The following SLC25A26 variants were observed in gnomAD, a reference collection of about 807,000 sequenced individuals.
SLC25A26 encodes the protein mitochondrial S-adenosylmethionine carrier protein.
In SLC25A26, 36 loss-of-function variants were observed where a neutral mutation model predicts 37.8. The observed-to-expected ratio is 0.95, with a 90% confidence interval of 0.73 to 1.26. The LOEUF (loss-of-function observed/expected upper bound fraction) is 1.26, where lower values mean the gene tolerates loss of function less well. SLC25A26 is among the 50% of genes most tolerant of loss of function. SLC25A26 has a pLI of 0.00. For missense variants in SLC25A26, 390 were observed against 331.1 expected, an observed-to-expected ratio of 1.18 and a Z score of -1.38; for synonymous variants, 129 against 122.5, an observed-to-expected ratio of 1.05 and a Z score of -0.35.
intron 6 of SLC25A26, among the ~76,000 whole-genome samples, chr3:66,346,708 C>CTGTGTGTGTG (rs1192240063): frequency 8.6e-6 from 1 of 116,778 alleles, no homozygotes; most frequent in Admixed American, 9.3e-5. Flanking sequence ...TTTCATTTTG[C>CTGTGTGTGTG]TGTGTGCGTG....
At chr3:66,196,649 TAAATA>T (rs1473784839) in intron 1 of SLC25A26, among the ~76,000 whole-genome samples, 1 of 152,136 alleles carries the variant, frequency 6.6e-6, no homozygotes, top group African/African-American at 2.4e-5. Context: ...ATCAGTATAT[TAAATA>T]AAACAATCTA....
intron 5 of SLC25A26, among the ~76,000 whole-genome samples, chr3:66,342,205 A>ATTT (rs1386878375): frequency 2.0e-5 from 3 of 152,062 alleles, no homozygotes; most frequent in African/African-American, 7.2e-5. Flanking sequence ...AGGCCTACCA[A>ATTT]TTCCATGCTG....
At chr3:66,350,274 AACTC>A (rs2076418911) in intron 6 of SLC25A26, among the ~76,000 whole-genome samples, 2 of 152,250 alleles carry the variant, frequency 1.3e-5, no homozygotes, top group East Asian at 3.9e-4. Context: ...CCTTAAATTC[AACTC>A]TGTCTAAAAG....
intron 1 of SLC25A26, among the ~76,000 whole-genome samples, chr3:66,172,773 A>C (rs1329672050): frequency 6.6e-6 from 1 of 152,156 alleles, no homozygotes; most frequent in East Asian, 1.9e-4. Context: ...GTTCCCTCAC[A>C]TGCAGCATCC....
chr3:66,335,103 G>GA (rs913290784), intron 5 of SLC25A26, among the ~76,000 whole-genome samples: 5 of 152,106 alleles, frequency 3.3e-5, no homozygotes, highest in African/African-American at 7.2e-5. Context: ...AACAACTGGG[G>GA]AAAAAAACAG....
intron 5 of SLC25A26, among the ~76,000 whole-genome samples, chr3:66,325,439 G>T (rs1220357274): frequency 6.6e-6 from 1 of 152,192 alleles, no homozygotes; most frequent in African/African-American, 2.4e-5. Flanking sequence ...CCTTGCTTTT[G>T]CCTCTTGCCT....
chr3:66,229,864 T>TA (rs373581880), intron 1 of SLC25A26, among the ~76,000 whole-genome samples: 20,795 of 148,422 alleles, frequency 0.14, 1,906 homozygotes, highest in East Asian at 0.5. Flanking sequence ...ATAGCCTCAC[T>TA]AAAAAAAAAA....
intron 5 of SLC25A26, among the ~76,000 whole-genome samples, chr3:66,285,931 T>A (rs1189475351): frequency 6.6e-6 from 1 of 152,174 alleles, no homozygotes; most frequent in Non-Finnish European, 1.5e-5. Context: ...CTGTTTCTCA[T>A]AGTGGTTTTA....
chr3:66,297,940 T>C (rs1328184502), intron 5 of SLC25A26, among the ~76,000 whole-genome samples: 2 of 152,248 alleles, frequency 1.3e-5, no homozygotes, highest in Non-Finnish European at 1.5e-5. Flanking sequence ...ATATAGCATA[T>C]CATTTCCTCG....
intron 1 of SLC25A26, among the ~76,000 whole-genome samples, chr3:66,186,838 T>G (rs1176440364): frequency 6.6e-6 from 1 of 151,998 alleles, no homozygotes; most frequent in Non-Finnish European, 1.5e-5. Flanking sequence ...TCCATGACAC[T>G]CAGCAAGACT....
At position 66,150,397 on chromosome 3, in the gene SLC25A26, C is replaced by A. The variant is rs183269654; in HGVS notation, c.-354+16413C>A. On this transcript the variant is annotated intron_variant, in intron 1 of 10. Coordinates refer to the SLC25A26 transcript ENST00000676754. ...CCTGTAATCCCAGCTACTCAGGAGGCTGAGGCATGAGAATGGCTTGAACCT... is the reference window on the plus strand; with the variant it reads ...CCTGTAATCCCAGCTACTCAGGAGGATGAGGCATGAGAATGGCTTGAACCT... Among the ~76,000 whole-genome samples the A allele has an allele frequency of 4.0e-3, 602 of 149,920 alleles. 3 individuals are homozygous for A. Among genetic ancestry groups the A allele is most frequent in the Middle Eastern group, 6.9e-3 (2 of 288 alleles).
At chr3:66,204,998 G>T (rs1370280197) in intron 1 of SLC25A26, among the ~76,000 whole-genome samples, 1 of 152,156 alleles carries the variant, frequency 6.6e-6, no homozygotes, top group African/African-American at 2.4e-5. Flanking sequence ...AGATTCTGCT[G>T]ATTCCATGTT....
At chr3:66,226,460 C>G (rs931901935) in intron 1 of SLC25A26, among the ~76,000 whole-genome samples, 2 of 152,200 alleles carry the variant, frequency 1.3e-5, no homozygotes, top group East Asian at 1.9e-4. Flanking sequence ...CAGAGCCAAA[C>G]CATTTCATGT....
At chr3:66,292,743 A>G (rs983776412) in intron 5 of SLC25A26, among the ~76,000 whole-genome samples, 3 of 151,770 alleles carry the variant, frequency 2.0e-5, no homozygotes, top group Non-Finnish European at 2.9e-5. Context: ...CTTCATTTCA[A>G]CCTTTGTGAA....
At chr3:66,264,378 A>G (rs1314701254) in intron 5 of SLC25A26, among the ~76,000 whole-genome samples, 1 of 152,192 alleles carries the variant, frequency 6.6e-6, no homozygotes, top group Non-Finnish European at 1.5e-5. Flanking sequence ...CTTCTAAGAC[A>G]GGGACCCCAA....
At chr3:66,366,164 A>G (rs1401095927) in intron 7 of SLC25A26, among the ~76,000 whole-genome samples, 3 of 152,262 alleles carry the variant, frequency 2.0e-5, no homozygotes, top group African/African-American at 7.2e-5. Flanking sequence ...AGTGGAGACC[A>G]TAGAAAACTG....
In SLC25A26 at chr3:66,170,797, T is replaced by G. The variant is rs892650895; in HGVS notation, c.-354+36813T>G. ...TTTAATAGATGTGATTATTGTTTTT[T>G]TTTTTTTTTTTTTTTTTTTTTTTTG... On this transcript the variant is annotated intron_variant, in intron 1 of 10. Coordinates refer to the SLC25A26 transcript ENST00000676754. Among the ~76,000 whole-genome samples the G allele has an allele frequency of 1.7e-4, 20 of 120,100 alleles. 1 individual carries two copies. Among genetic ancestry groups the G allele is most frequent in the South Asian group, 6.2e-4 (2 of 3,236 alleles). The allele number at this position is 120,100 out of a possible 152,430, so 78.8% of individuals were successfully genotyped here. A position where few individuals can be genotyped will look rare whatever the true frequency, so the allele number is the denominator to read the frequency against.
intron 1 of SLC25A26, among the ~76,000 whole-genome samples, chr3:66,196,396 C>T (rs988459875): frequency 1.1e-4 from 16 of 152,162 alleles, no homozygotes; most frequent in African/African-American, 3.9e-4. Context: ...TTATGGCTTG[C>T]ATTGGGGGAG....
At chr3:66,333,071 T>C (rs1575579098) in intron 5 of SLC25A26, among the ~76,000 whole-genome samples, 2 of 152,320 alleles carry the variant, frequency 1.3e-5, no homozygotes, top group South Asian at 4.1e-4. Flanking sequence ...GATTTTTTTT[T>C]CCTGAAGTAC....
Sources: gnomAD v4.1 joint callset for allele counts (sites outside exome capture counted in the v4.1 genomes callset) on GRCh38, gnomAD v4.1.1 for gene constraint, MANE v1.5 for transcripts, NCBI Gene and HGNC (gene_info 2026-07-23, HGNC 2026-07-21) for gene names.